PKD1L1: variants seen among roughly 807,000 people sequenced by gnomAD.
The protein encoded by PKD1L1 is polycystin-1-like protein 1.
Under a neutral mutation model 323.4 loss-of-function variants are expected in PKD1L1, and 236 were observed. The observed-to-expected ratio is 0.73, with a 90% confidence interval of 0.66 to 0.81. The LOEUF (loss-of-function observed/expected upper bound fraction) is 0.81, where lower values mean the gene tolerates loss of function less well. PKD1L1 is among the 40% of genes least tolerant of loss of function. The probability of loss-of-function intolerance (pLI) is 0.00; values close to 1 mark genes in which losing one functional copy is unlikely to be tolerated. For missense variants in PKD1L1, 3,320 were observed against 3,508.0 expected, an observed-to-expected ratio of 0.95 and a Z score of 1.35; for synonymous variants, 1,344 against 1,335.0, an observed-to-expected ratio of 1.01 and a Z score of -0.15.
rs143708758 is a variant in PKD1L1, at chr7:47,880,693, A to G, written c.3520+35T>C. 161 of 1,544,462 alleles carry G rather than the reference A, an allele frequency of 1.0e-4. 1 individual carries two copies. In the East Asian group the frequency reaches 3.5e-3, roughly 33 times the overall value. ...TCACAGAGACGCAGCAGGACTCCTC[A>G]TCCTCTGATAAATGCAACTGACAAT... On this transcript the variant is annotated intron_variant, in intron 21 of 56. Coordinates refer to ENST00000289672, the MANE Select transcript of PKD1L1 (RefSeq NM_138295.5).
chr7:47,894,091 T>C, intron 14 of PKD1L1, 32 bp from the exon 15 acceptor site: 1 of 1,520,238 alleles, frequency 6.6e-7, no homozygotes, highest in Non-Finnish European at 8.8e-7. Flanking sequence ...GGGGATGTCA[T>C]GCAGGGACAA....
chr7:47,885,235 A>T (rs1031276178), intron 18 of PKD1L1, among the ~76,000 whole-genome samples: 5 of 152,236 alleles, frequency 3.3e-5, no homozygotes, highest in Non-Finnish European at 5.9e-5. Flanking sequence ...CAGCAAAATC[A>T]GTAAGCAGCT....
rs1307428058 is a variant in PKD1L1 at position 47,908,107 on chromosome 7, C to T, written c.1372G>A (p.Val458Ile). Residue 458 changes from valine to isoleucine, a missense_variant, in exon 9 of 57, where the codon GTC (valine) becomes ATC (isoleucine). Physicochemically the swap from Val to Ile is conservative, Grantham distance 29. Coordinates refer to ENST00000289672, the MANE Select transcript of PKD1L1 (RefSeq NM_138295.5). ...SSSVHEDEVLVFADSQVNQKS... is the reference protein window; with the variant it reads ...SSSVHEDEVLIFADSQVNQKS... ...TGATTCACTTGGGAGTCAGCAAAGA[C>T]AAGCACTTCATCTTCATGGACACTG... 6.2e-7 allele frequency: 1 copy of T among 1,613,950 alleles called. No homozygotes were observed. The highest frequency in any genetic ancestry group is 1.3e-5 in the African/African-American group (1 of 74,940).
In PKD1L1 at chr7:47,804,237, G is replaced by A. The variant is rs549676052; in HGVS notation, c.7828-893C>T. 2.8e-4 allele frequency among the ~76,000 whole-genome samples: 43 copies of A among 152,288 alleles called. No individual in the cohort carries two copies. The East Asian group carries it at 4.1e-3, about 14-fold the overall frequency. On this transcript the variant is annotated intron_variant, in intron 52 of 56. Transcript: ENST00000289672. The stretch of plus-strand genomic sequence containing the variant: ...GGTTCCCTTCAGAGCAGGCAGGGCC[G>A]CACATGGTTGAATGGGGGATGAATG...
chr7:47,929,133 A>C (rs1343294007), intron 7 of PKD1L1, 71 bp downstream of exon 7: 1 of 1,467,314 alleles, frequency 6.8e-7, no homozygotes, highest in Non-Finnish European at 9.3e-7. Flanking sequence ...TCTTTTCCCA[A>C]CACTGCCTCT....
At chr7:47,776,385 A>G (rs367548517) in intron 56 of PKD1L1, among the ~76,000 whole-genome samples, 3 of 152,238 alleles carry the variant, frequency 2.0e-5, no homozygotes, top group Admixed American at 6.5e-5. Flanking sequence ...ACAAAAAAAC[A>G]AAACCCAGGG....
At chr7:47,818,093 G>C in intron 46 of PKD1L1, 2 of 1,367,850 alleles carry the variant, frequency 1.5e-6, no homozygotes, top group South Asian at 2.3e-5. Flanking sequence ...ATCAAATGCA[G>C]AGCAAATTGG....
chr7:47,800,313 G>A (rs1199719036), intron 54 of PKD1L1, among the ~76,000 whole-genome samples: 1 of 152,222 alleles, frequency 6.6e-6, no homozygotes, highest in Non-Finnish European at 1.5e-5. Flanking sequence ...AAAGGCAACA[G>A]ATACCCCTGA....
intron 21 of PKD1L1, among the ~76,000 whole-genome samples, chr7:47,877,993 C>A (rs1786447044): frequency 6.6e-6 from 1 of 151,914 alleles, no homozygotes; most frequent in African/African-American, 2.4e-5. Flanking sequence ...AGTCACATGG[C>A]AACCACCCAG....
At chr7:47,872,762 A>G (rs1361577555) in intron 24 of PKD1L1, among the ~76,000 whole-genome samples, 1 of 152,332 alleles carries the variant, frequency 6.6e-6, no homozygotes, top group East Asian at 1.9e-4. Context: ...TGCAGCCACT[A>G]CGGAAAATAG....
Position 47,847,016 on chromosome 7 carries a change from T to C in PKD1L1, c.5016A>G (p.Pro1672=), listed in dbSNP as rs1309074717. 3 of 1,611,574 alleles carry C rather than the reference T, an allele frequency of 1.9e-6. No homozygotes were observed. The highest frequency in any genetic ancestry group is 4.5e-5 in the East Asian group (2 of 44,804). Residue 1672 remains proline, a synonymous_variant, in exon 32 of 57, where the codon CCA becomes CCG. Coordinates refer to ENST00000289672, the MANE Select transcript of PKD1L1 (RefSeq NM_138295.5). The stretch of plus-strand genomic sequence containing the variant: ...TCACTGCCTTAGCTAAATATCTGTT[T>C]GGAGGTTTTCTGTCATAGTCAGCAT... The part of the protein sequence containing the change: ...LLDADYDRKP[P]NRYLAKAVNY...
intron 53 of PKD1L1, among the ~76,000 whole-genome samples, chr7:47,802,263 A>G (rs1236450900): frequency 6.6e-6 from 1 of 151,834 alleles, no homozygotes; most frequent in Non-Finnish European, 1.5e-5. Flanking sequence ...TAATCACTCC[A>G]TAAATTCTAC....
intron 1 of PKD1L1, among the ~76,000 whole-genome samples, chr7:47,947,147 A>G (rs1788113593): frequency 6.6e-6 from 1 of 152,234 alleles, no homozygotes; most frequent in Non-Finnish European, 1.5e-5. Context: ...ACATAAGGCA[A>G]AGAAATTTCC....
intron 41 of PKD1L1, 101 bp from the exon 42 acceptor site, chr7:47,831,453 C>G: frequency 2.1e-6 from 3 of 1,428,800 alleles, no homozygotes; most frequent in Non-Finnish European, 2.8e-6. Context: ...TAGGCTGGGT[C>G]GTAGGGTGCC....
rs1487360774 is a variant in PKD1L1, at chr7:47,829,551, G to T, written c.6609C>A (p.His2203Gln). The change falls in exon 44 of 57, where the codon CAC becomes CAA. Residue 2203 changes from histidine to glutamine, a missense_variant. Coordinates refer to ENST00000289672, the MANE Select transcript of PKD1L1 (RefSeq NM_138295.5). ...GFAWKRRADN[H>Q]FFTESLCEAT... The stretch of plus-strand genomic sequence containing the variant: ...CCTCACATAAAGACTCAGTAAAAAA[G>T]TGGTTGTCAGCTCTTCTTTTCCAAG... 6.2e-7 allele frequency: 1 copy of T among 1,613,638 alleles called. No individual in the cohort carries two copies. The highest frequency in any genetic ancestry group is 8.5e-7 in the Non-Finnish European group (1 of 1,179,922).
chr7:47,876,498 CA>C (rs1433994240), intron 22 of PKD1L1, among the ~76,000 whole-genome samples: 1 of 152,150 alleles, frequency 6.6e-6, no homozygotes, highest in African/African-American at 2.4e-5. Flanking sequence ...AGTCACAAAT[CA>C]GACTGTCACA....
rs758642899 is a variant in PKD1L1, at chr7:47,792,618, T to C, written c.8526+9A>G. ...GAAAATTGACATAAATAATTTTGCATGGTCTTACCTCAGCAGCTTGGTAAC... is the reference window on the plus strand; with the variant it reads ...GAAAATTGACATAAATAATTTTGCACGGTCTTACCTCAGCAGCTTGGTAAC... On this transcript the variant is annotated intron_variant, in intron 56 of 56. Coordinates refer to ENST00000289672, the MANE Select transcript of PKD1L1 (RefSeq NM_138295.5). The C allele has an allele frequency of 6.3e-7, 1 of 1,575,140 alleles. No homozygotes were observed. The highest frequency in any genetic ancestry group is 8.6e-7 in the Non-Finnish European group (1 of 1,159,248).
Position 47,902,117 on chromosome 7 carries a change from C to T in PKD1L1, c.2064+262G>A, listed in dbSNP as rs6945365. ...GTGCTGAATGCCAGAGTAATGCAGG[C>T]GAATAAAGAACTTATTCACACACCA... is the stretch of plus-strand genomic sequence containing the variant. On this transcript the variant is annotated intron_variant, in intron 13 of 56. Coordinates refer to ENST00000289672, the MANE Select transcript of PKD1L1 (RefSeq NM_138295.5). 0.11 allele frequency among the ~76,000 whole-genome samples: 16,749 copies of T among 151,554 alleles called. 1,086 individuals carry two copies. Among genetic ancestry groups the T allele is most frequent in the East Asian group, 0.25 (1,295 of 5,148 alleles).
intron 26 of PKD1L1, among the ~76,000 whole-genome samples, chr7:47,864,144 G>A (rs1310264191): frequency 2.6e-5 from 4 of 152,186 alleles, no homozygotes; most frequent in African/African-American, 7.2e-5. Context: ...CTGCACCCAT[G>A]CAGGCTAGGC....
Sources: gnomAD v4.1 joint callset for allele counts (sites outside exome capture counted in the v4.1 genomes callset) on GRCh38, gnomAD v4.1.1 for gene constraint, MANE v1.5 for transcripts, NCBI Gene and HGNC (gene_info 2026-07-23, HGNC 2026-07-21) for gene names.